The following RIT2 variants were observed in gnomAD, a reference collection of about 807,000 sequenced individuals.
RIT2 encodes Ras like without CAAX 2.
In RIT2, 24 loss-of-function variants were observed where a neutral mutation model predicts 23.7. That is an observed-to-expected ratio of 1.01 (90% CI 0.73 to 1.43). The LOEUF is 1.43. RIT2 is among the 40% of genes most tolerant of loss of function. The pLI, the probability that RIT2 is intolerant of heterozygous loss-of-function variation, is 0.00. For synonymous variants in RIT2, 107 were observed against 91.1 expected (o/e 1.17, Z -0.99); for missense variants, 236 against 266.9 (o/e 0.88, Z 0.81).
At chr18:42,774,494 A>G (rs1250205406) in intron 4 of RIT2, among the ~76,000 whole-genome samples, 2 of 152,182 alleles carry the variant, frequency 1.3e-5, no homozygotes, top group African/African-American at 4.8e-5. Flanking sequence ...AAAAAAAAGA[A>G]AAGGTAAAAC....
chr18:43,061,016 A>G (rs957811663), intron 1 of RIT2, among the ~76,000 whole-genome samples: 2 of 152,106 alleles, frequency 1.3e-5, no homozygotes, highest in East Asian at 3.9e-4. Context: ...ATGTATTATA[A>G]CAATCCCTGT....
intron 4 of RIT2, among the ~76,000 whole-genome samples, chr18:42,780,820 CTTTT>C (rs750695978): frequency 7.6e-6 from 1 of 131,242 alleles, no homozygotes; most frequent in African/African-American, 2.8e-5. Context: ...GCTTTTCAGG[CTTTT>C]TTTTTTTTTT....
chr18:43,055,347 A>G (rs1426035969), intron 1 of RIT2, among the ~76,000 whole-genome samples: 1 of 152,034 alleles, frequency 6.6e-6, no homozygotes, highest in African/African-American at 2.4e-5. Context: ...GGTGATGAAA[A>G]CAATGATGAA....
chr18:43,003,676 T>C (rs1911159302), intron 2 of RIT2, among the ~76,000 whole-genome samples: 1 of 151,762 alleles, frequency 6.6e-6, no homozygotes, highest in Admixed American at 6.6e-5. Flanking sequence ...AGTAAATGGA[T>C]GACTTGATAG....
chr18:42,995,714 T>A (rs533431684), intron 2 of RIT2, among the ~76,000 whole-genome samples: 1 of 152,322 alleles, frequency 6.6e-6, no homozygotes, highest in South Asian at 2.1e-4. Context: ...CTTCTCAGAA[T>A]TCAGTCCTGT....
chr18:43,022,646 A>G (rs1173918049), intron 2 of RIT2, among the ~76,000 whole-genome samples: 1 of 152,084 alleles, frequency 6.6e-6, no homozygotes, highest in Non-Finnish European at 1.5e-5. Context: ...ATTTATTGGT[A>G]AGCTTGTATT....
Position 42,941,190 on chromosome 18 carries a change from T to C in RIT2, c.235-17427A>G, listed in dbSNP as rs547251743. Among the ~76,000 whole-genome samples the C allele has an allele frequency of 2.6e-5, 4 of 152,160 alleles. No homozygotes were observed. The East Asian group carries it at 7.7e-4, about 29-fold the overall frequency. On this transcript the variant is annotated intron_variant, in intron 3 of 4. Transcript: ENST00000326695. Reference sequence around the variant, plus strand: ...AAAAGAAATGAGCAAATGGTATATATCATTTTAAGCAGATTTGCATGACTG... The same window carrying C: ...AAAAGAAATGAGCAAATGGTATATACCATTTTAAGCAGATTTGCATGACTG...
chr18:42,997,095 A>G (rs1911002161), intron 2 of RIT2, among the ~76,000 whole-genome samples: 1 of 152,142 alleles, frequency 6.6e-6, no homozygotes, highest in Non-Finnish European at 1.5e-5. Context: ...TATGCACCAG[A>G]GCAAAAGACA....
At chr18:42,894,297 T>C (rs1228368862) in intron 4 of RIT2, among the ~76,000 whole-genome samples, 1 of 152,206 alleles carries the variant, frequency 6.6e-6, no homozygotes, top group African/African-American at 2.4e-5. Context: ...GGAGACCAAA[T>C]TCTAGCAGAA....
chr18:43,025,789 T>G (rs1372532154), intron 2 of RIT2, among the ~76,000 whole-genome samples: 2 of 152,016 alleles, frequency 1.3e-5, no homozygotes, highest in Non-Finnish European at 2.9e-5. Flanking sequence ...TGTGTACACA[T>G]GAACATAAAG....
At chr18:42,950,501 A>T (rs761034959) in intron 3 of RIT2, among the ~76,000 whole-genome samples, 2 of 152,092 alleles carry the variant, frequency 1.3e-5, no homozygotes, top group African/African-American at 2.4e-5. Flanking sequence ...TTTATGACTA[A>T]GTCCCCAAAA....
chr18:43,109,400 A>G (rs1399135010), intron 1 of RIT2, among the ~76,000 whole-genome samples: 2 of 152,164 alleles, frequency 1.3e-5, no homozygotes, highest in African/African-American at 4.8e-5. Flanking sequence ...TATTTTTTCA[A>G]CTACCACTTA....
intron 4 of RIT2, among the ~76,000 whole-genome samples, chr18:42,760,159 G>T (rs1913268719): frequency 6.6e-6 from 1 of 152,160 alleles, no homozygotes; most frequent in South Asian, 2.1e-4. Context: ...GGATTGTGGG[G>T]ATATTATATG....
intron 4 of RIT2, among the ~76,000 whole-genome samples, chr18:42,767,580 T>C (rs375846660): frequency 5.3e-5 from 8 of 152,278 alleles, no homozygotes; most frequent in African/African-American, 1.9e-4. Flanking sequence ...TTTGAGTTAA[T>C]GCTGAAATGA....
At chr18:42,746,340 A>G (rs1912916539) in intron 4 of RIT2, among the ~76,000 whole-genome samples, 1 of 152,232 alleles carries the variant, frequency 6.6e-6, no homozygotes, top group African/African-American at 2.4e-5. Flanking sequence ...TCCAACTTTA[A>G]AAGACAAAGA....
intron 3 of RIT2, among the ~76,000 whole-genome samples, chr18:42,954,032 A>G (rs1292946632): frequency 6.6e-6 from 1 of 152,080 alleles, no homozygotes; most frequent in Non-Finnish European, 1.5e-5. Context: ...AAAATATCTC[A>G]CAGAGAAGAG....
intron 4 of RIT2, among the ~76,000 whole-genome samples, chr18:42,915,151 T>TACACAC (rs71918963): frequency 0.089 from 12,923 of 145,830 alleles, 680 homozygotes; most frequent in East Asian, 0.2. Flanking sequence ...CATATAATTA[T>TACACAC]ACACACACAC....
At chr18:43,092,166 T>C (rs1278105946) in intron 1 of RIT2, among the ~76,000 whole-genome samples, 1 of 152,028 alleles carries the variant, frequency 6.6e-6, no homozygotes, top group African/African-American at 2.4e-5. Context: ...CAGAGAGTGA[T>C]TCTTTAGATT....
rs544414920 is a variant in RIT2 at position 42,923,015 on chromosome 18, G to T, written c.426+557C>A. Reference sequence around the variant, plus strand: ...ATTTTATTTGCCACTGATTCTCTAGGTCAGAAATCCAGACAAGGCTTACCT... The same window carrying T: ...ATTTTATTTGCCACTGATTCTCTAGTTCAGAAATCCAGACAAGGCTTACCT... On this transcript the variant is annotated intron_variant, in intron 4 of 4. Transcript: ENST00000326695. Among the ~76,000 whole-genome samples, 48 of 152,208 alleles carry T rather than the reference G, an allele frequency of 3.2e-4. 1 individual carries two copies. In the South Asian group the frequency reaches 9.1e-3, roughly 29 times the overall value.
Sources: gnomAD v4.1 joint callset for allele counts (sites outside exome capture counted in the v4.1 genomes callset) on GRCh38, gnomAD v4.1.1 for gene constraint, MANE v1.5 for transcripts, NCBI Gene and HGNC (gene_info 2026-07-23, HGNC 2026-07-21) for gene names.